Variants in VWA8 observed in about 807,000 individuals in gnomAD.
The protein encoded by VWA8 is von Willebrand factor A domain containing 8.
In VWA8, 221 loss-of-function variants were observed where a neutral mutation model predicts 241.5. That is an observed-to-expected ratio of 0.91 (90% CI 0.82 to 1.02). The LOEUF (loss-of-function observed/expected upper bound fraction) is 1.02, where lower values mean the gene tolerates loss of function less well. VWA8 is among the 50% of genes least tolerant of loss of function. The pLI, the probability that VWA8 is intolerant of heterozygous loss-of-function variation, is 0.00. For missense variants in VWA8, 2,322 were observed against 2,328.7 expected, an observed-to-expected ratio of 1.00 and a Z score of 0.06; for synonymous variants, 852 against 827.1, an observed-to-expected ratio of 1.03 and a Z score of -0.52.
At chr13:41,578,409 C>A (rs34756176) in intron 42 of VWA8, among the ~76,000 whole-genome samples, 24,934 of 151,846 alleles carry the variant, frequency 0.16, 2,180 homozygotes, top group Admixed American at 0.25. Context: ...CATTCCCTGG[C>A]GTTACTGCAG....
At chr13:41,632,086 G>T (rs916326288) in intron 37 of VWA8, among the ~76,000 whole-genome samples, 5 of 152,210 alleles carry the variant, frequency 3.3e-5, no homozygotes, top group African/African-American at 1.2e-4. Flanking sequence ...AGCCAAGGAA[G>T]AAGTTAGCAA....
At chr13:41,857,594 G>A (rs1407246768) in intron 12 of VWA8, among the ~76,000 whole-genome samples, 3 of 152,032 alleles carry the variant, frequency 2.0e-5, no homozygotes, top group Non-Finnish European at 4.4e-5. Flanking sequence ...AAAATTCATT[G>A]TAATTTCATT....
chr13:41,787,703 T>A (rs1869269357), intron 17 of VWA8, among the ~76,000 whole-genome samples, 160 bp from the exon 18 acceptor site: 1 of 151,922 alleles, frequency 6.6e-6, no homozygotes, highest in Non-Finnish European at 1.5e-5. Context: ...TCAAACAAAA[T>A]TTTAGAATAA....
At chr13:41,823,191 T>G (rs939229903) in intron 14 of VWA8, among the ~76,000 whole-genome samples, 1 of 152,136 alleles carries the variant, frequency 6.6e-6, no homozygotes, top group Non-Finnish European at 1.5e-5. Flanking sequence ...TAGGAGATAG[T>G]GCTTGGATCC....
At chr13:41,763,800 C>T (rs1162000774) in intron 20 of VWA8, among the ~76,000 whole-genome samples, 1 of 152,150 alleles carries the variant, frequency 6.6e-6, no homozygotes, top group Non-Finnish European at 1.5e-5. Flanking sequence ...CTTCCCACCT[C>T]TAAAGTTATT....
chr13:41,571,203 G>T (rs1323000150), intron 43 of VWA8, among the ~76,000 whole-genome samples: 1 of 151,924 alleles, frequency 6.6e-6, no homozygotes, highest in African/African-American at 2.4e-5. Context: ...CATAAAATTG[G>T]GGACAGGGAG....
At chr13:41,818,340 G>T (rs1286994167) in intron 15 of VWA8, among the ~76,000 whole-genome samples, 1 of 7,776 alleles carries the variant, frequency 1.3e-4, no homozygotes, top group African/African-American at 1.8e-4. Context: ...GGAGGCCAAG[G>T]GGGGGTGGAT....
chr13:41,817,966 A>AT (rs947591878), intron 15 of VWA8, among the ~76,000 whole-genome samples: 209 of 146,004 alleles, frequency 1.4e-3, no homozygotes, highest in Admixed American at 1.8e-3. Context: ...GAGAAGCGGA[A>AT]TTTTTTTTTT....
intron 37 of VWA8, among the ~76,000 whole-genome samples, chr13:41,640,908 A>G (rs957297512): frequency 4.6e-5 from 7 of 152,162 alleles, no homozygotes; most frequent in Admixed American, 4.6e-4. Context: ...AAAGCAAAGT[A>G]CCCAGACCAT....
At chr13:41,763,313 A>ATAAT (rs1185237059) in intron 20 of VWA8, among the ~76,000 whole-genome samples, 2 of 120,470 alleles carry the variant, frequency 1.7e-5, no homozygotes, top group Non-Finnish European at 3.6e-5. Context: ...AAATAAATAG[A>ATAAT]TAGATAGATA....
At chr13:41,856,838 T>TAAAA (rs550321490) in intron 12 of VWA8, among the ~76,000 whole-genome samples, 1 of 132,478 alleles carries the variant, frequency 7.5e-6, no homozygotes, top group Non-Finnish European at 1.6e-5. Context: ...AAATGAAAAT[T>TAAAA]AAAAAAAAAA....
At position 41,924,984 on chromosome 13, in the gene VWA8, G is replaced by C. The variant is rs143964514; in HGVS notation, c.242-12816C>G. 5.5e-3 allele frequency among the ~76,000 whole-genome samples: 841 copies of C among 152,078 alleles called. 6 individuals carry two copies. The highest frequency in any genetic ancestry group is 0.02 in the African/African-American group (809 of 41,460). On this transcript the variant is annotated intron_variant, in intron 2 of 44. Coordinates refer to ENST00000379310, the MANE Select transcript of VWA8 (RefSeq NM_015058.2). ...AATGTACATTATAATTAGTCTGTCA[G>C]TCAAAGACAGAGAGTTTTAAAAGCA...
intron 37 of VWA8, among the ~76,000 whole-genome samples, chr13:41,625,334 T>C (rs2044682614): frequency 6.6e-6 from 1 of 152,196 alleles, no homozygotes; most frequent in Non-Finnish European, 1.5e-5. Flanking sequence ...CCTACTCATC[T>C]GACAAAGGGC....
At chr13:41,863,092 G>A (rs1873079022) in intron 12 of VWA8, among the ~76,000 whole-genome samples, 1 of 151,952 alleles carries the variant, frequency 6.6e-6, no homozygotes, top group Non-Finnish European at 1.5e-5. Flanking sequence ...CAGTGGGCTG[G>A]GGAAGGCAGA....
chr13:41,774,737 C>A (rs757053311), intron 20 of VWA8, among the ~76,000 whole-genome samples: 4 of 152,068 alleles, frequency 2.6e-5, no homozygotes, highest in African/African-American at 7.2e-5. Context: ...TAGAAAATAT[C>A]CATGCCAAGC....
intron 2 of VWA8, among the ~76,000 whole-genome samples, chr13:41,946,213 TA>T (rs899335804): frequency 8.9e-4 from 127 of 143,010 alleles, no homozygotes; most frequent in Admixed American, 1.2e-3. Flanking sequence ...TTTCCAAATT[TA>T]AAAAAAAAAA....
intron 5 of VWA8, among the ~76,000 whole-genome samples, chr13:41,890,208 A>G (rs1843387840): frequency 6.6e-6 from 1 of 152,218 alleles, no homozygotes; most frequent in Non-Finnish European, 1.5e-5. Flanking sequence ...GGCATTCATT[A>G]TTTAGGGCCT....
chr13:41,867,230 C>G (rs748256041), intron 10 of VWA8, among the ~76,000 whole-genome samples: 6 of 152,140 alleles, frequency 3.9e-5, no homozygotes, highest in Non-Finnish European at 8.8e-5. Flanking sequence ...TTGAAAAATC[C>G]TATATTATTC....
intron 4 of VWA8, among the ~76,000 whole-genome samples, chr13:41,900,638 ATCC>A (rs1410596676): frequency 6.6e-6 from 1 of 152,186 alleles, no homozygotes; most frequent in African/African-American, 2.4e-5. Context: ...AAATTAGAAT[ATCC>A]TCAAGGGGTA....
Sources: gnomAD v4.1 joint callset for allele counts (sites outside exome capture counted in the v4.1 genomes callset) on GRCh38, gnomAD v4.1.1 for gene constraint, MANE v1.5 for transcripts, NCBI Gene and HGNC (gene_info 2026-07-23, HGNC 2026-07-21) for gene names.